C5orf22: variants seen among roughly 807,000 people sequenced by gnomAD.
C5orf22 encodes chromosome 5 open reading frame 22.
A neutral mutation model predicts 48.7 loss-of-function variants in C5orf22; 36 were observed. The observed-to-expected ratio is 0.74, with a 90% CI of 0.57 to 0.98. C5orf22 has a LOEUF of 0.98. Among genes scored for constraint, C5orf22 ranks in the 50% least tolerant of loss-of-function variants. The probability of loss-of-function intolerance (pLI) is 0.00; values close to 1 mark genes in which losing one functional copy is unlikely to be tolerated. For synonymous variants in C5orf22, 141 were observed against 180.8 expected (o/e 0.78, Z 1.76); for missense variants, 486 against 521.9 (o/e 0.93, Z 0.67).
At chr5:31,545,003 A>C (rs922303079) in intron 6 of C5orf22, among the ~76,000 whole-genome samples, 23 of 151,110 alleles carry the variant, frequency 1.5e-4, no homozygotes, top group African/African-American at 5.6e-4. Flanking sequence ...AGCTTTCAGG[A>C]AACAGCCTTT....
chr5:31,539,341 A>G (rs559050828), intron 4 of C5orf22, among the ~76,000 whole-genome samples: 2 of 152,326 alleles, frequency 1.3e-5, no homozygotes, highest in Admixed American at 1.3e-4. Context: ...ACGGATACCA[A>G]GGGACAAGTG....
chr5:31,535,742 A>G lies in C5orf22; in HGVS notation c.228-2A>G. 1 of 1,579,216 alleles carries G rather than the reference A, an allele frequency of 6.3e-7. No individual in the cohort carries two copies. The highest frequency in any genetic ancestry group is 2.2e-5 in the East Asian group (1 of 44,454). ...AATGTTGTCTCTATGTTTCTTTTCC[A>G]GAGAATTAAGTATTGAAAATTGGAT... On this transcript the variant is annotated splice_acceptor_variant, in intron 2 of 8. Transcript: ENST00000325366. LOFTEE classifies it high-confidence loss of function.
intron 2 of C5orf22, chr5:31,535,134 A>G (rs1332044480): frequency 7.7e-6 from 3 of 389,718 alleles, no homozygotes; most frequent in East Asian, 1.5e-4. Context: ...CCAAAACTTG[A>G]AAAGTAGTAG....
Position 31,532,524 on chromosome 5 carries a change from G to T in C5orf22, c.81+51G>T, listed in dbSNP as rs1184549549. The T allele has an allele frequency of 8.0e-6, 12 of 1,505,458 alleles. No homozygotes were observed. In the Middle Eastern group the frequency reaches 1.4e-3, roughly 175 times the overall value. The allele number at this position is 1,505,458 out of a possible 1,614,324, so 93.3% of individuals were successfully genotyped here. On this transcript the variant is annotated intron_variant, in intron 1 of 8. Transcript: ENST00000325366. ...GGGCAGAATCAGCGGAAGCCCTGACGCTCAGAGGGCCAAGCAGAGGGCGCA... is the reference window on the plus strand; with the variant it reads ...GGGCAGAATCAGCGGAAGCCCTGACTCTCAGAGGGCCAAGCAGAGGGCGCA...
At chr5:31,536,004 T>A in intron 3 of C5orf22, 111 bp downstream of exon 3, 1 of 1,034,014 alleles carries the variant, frequency 9.7e-7, no homozygotes, top group Non-Finnish European at 1.4e-6. Flanking sequence ...AGATTAAGCC[T>A]CGACTTCTCC....
intron 1 of C5orf22, among the ~76,000 whole-genome samples, chr5:31,532,894 G>A (rs1167831540): frequency 6.6e-6 from 1 of 152,150 alleles, no homozygotes; most frequent in African/African-American, 2.4e-5. Context: ...AATGGGGACA[G>A]TAATCGTAGG....
intron 7 of C5orf22, among the ~76,000 whole-genome samples, chr5:31,549,943 T>C (rs1743141901): frequency 6.6e-6 from 1 of 152,218 alleles, no homozygotes; most frequent in South Asian, 2.1e-4. Context: ...AGGTCTGCTT[T>C]AATCATTACA....
At chr5:31,541,524 C>A in intron 6 of C5orf22, 122 bp downstream of exon 6, 2 of 979,994 alleles carry the variant, frequency 2.0e-6, no homozygotes, top group Non-Finnish European at 1.5e-6. Flanking sequence ...GACACTGAGG[C>A]AGGAGAGGAC....
At chr5:31,541,208 T>A in intron 5 of C5orf22, 73 bp from the exon 6 acceptor site, 1 of 1,520,166 alleles carries the variant, frequency 6.6e-7, no homozygotes, top group Middle Eastern at 1.8e-4. Context: ...GAGCCAAGTT[T>A]TTTTTGTAAT....
chr5:31,534,295 C>T lies in C5orf22; in HGVS notation c.105C>T (p.Ala35=). 1 of 1,613,788 alleles carries T rather than the reference C, an allele frequency of 6.2e-7. No homozygotes were observed. The highest frequency in any genetic ancestry group is 2.2e-5 in the East Asian group (1 of 44,868). The change falls in exon 2 of 9, where the codon GCC becomes GCT. Residue 35 remains alanine, a synonymous_variant. Transcript: ENST00000325366. The part of the protein sequence containing the change: ...HQEVLPFIYR[A]IGSKHLPASN... The stretch of plus-strand genomic sequence containing the variant: ...AGGTTCTACCCTTTATATACCGGGC[C>T]ATAGGCTCAAAGCATCTTCCTGCCA...
At chr5:31,542,609 T>C (rs994883240) in intron 6 of C5orf22, among the ~76,000 whole-genome samples, 3 of 152,218 alleles carry the variant, frequency 2.0e-5, no homozygotes, top group African/African-American at 7.2e-5. Context: ...GCTGTTCATA[T>C]CACCTTGAAA....
In C5orf22 at chr5:31,553,754, G is replaced by T. The variant is rs1743436939; in HGVS notation, c.*852G>T. 6.6e-6 allele frequency: 1 copy of T among 152,158 alleles called. No homozygotes were observed. The allele number at this position is 152,158 out of a possible 1,614,324, so 9.4% of individuals were successfully genotyped here. ...CTCCAGCATTGTTGGTATCAAGGTGGTCTGGTTGAGTAAACTTGACCAAAC... is the reference window on the plus strand; with the variant it reads ...CTCCAGCATTGTTGGTATCAAGGTGTTCTGGTTGAGTAAACTTGACCAAAC... On this transcript the variant is annotated 3_prime_UTR_variant, in exon 9 of 9. Coordinates refer to ENST00000325366, the MANE Select transcript of C5orf22 (RefSeq NM_018356.3).
At chr5:31,547,960 G>A (rs1180780132) in intron 7 of C5orf22, among the ~76,000 whole-genome samples, 1 of 152,096 alleles carries the variant, frequency 6.6e-6, no homozygotes, top group Admixed American at 6.6e-5. Context: ...CTTTAACATT[G>A]TCAGGCTGCA....
intron 4 of C5orf22, among the ~76,000 whole-genome samples, chr5:31,539,783 G>T (rs902939350): frequency 6.6e-6 from 1 of 151,488 alleles, no homozygotes. Flanking sequence ...TGGCTCATGC[G>T]TATAATCCCA....
Position 31,553,068 on chromosome 5 carries a change from G to T in C5orf22, c.*166G>T. ...ACAACCATTGTCAGTTGTGAATGAT[G>T]GTAAATTTTTTGGCATCAAGTCTCA... On this transcript the variant is annotated 3_prime_UTR_variant, in exon 9 of 9. Transcript: ENST00000325366. 1.6e-6 allele frequency: 1 copy of T among 610,636 alleles called. No individual in the cohort carries two copies. The highest frequency in any genetic ancestry group is 2.5e-6 in the Non-Finnish European group (1 of 392,300). The allele number at this position is 610,636 out of a possible 1,614,324, so 37.8% of individuals were successfully genotyped here.
intron 3 of C5orf22, among the ~76,000 whole-genome samples, chr5:31,537,877 T>C (rs1490402777): frequency 6.6e-6 from 1 of 152,208 alleles, no homozygotes; most frequent in Non-Finnish European, 1.5e-5. Context: ...TTCTACCTTT[T>C]TGCACCACCG....
intron 8 of C5orf22, among the ~76,000 whole-genome samples, chr5:31,551,669 G>T (rs957733367): frequency 6.6e-6 from 1 of 152,118 alleles, no homozygotes; most frequent in Admixed American, 6.6e-5. Flanking sequence ...TCTACACTTC[G>T]GGCTTTGAAG....
rs1344322278 is a variant in C5orf22 at position 31,554,562 on chromosome 5, G to A, written c.*1660G>A. On this transcript the variant is annotated 3_prime_UTR_variant, in exon 9 of 9. Transcript: ENST00000325366. Reference sequence around the variant, plus strand: ...TTGGTAAAATCAGAATTGTAGAATTGTGCTATTTTTAATTTTTAAAATTTT... The same window carrying A: ...TTGGTAAAATCAGAATTGTAGAATTATGCTATTTTTAATTTTTAAAATTTT... The A allele has an allele frequency of 6.6e-6, 1 of 152,162 alleles. No individual in the cohort carries two copies. The highest frequency in any genetic ancestry group is 6.5e-5 in the Admixed American group (1 of 15,274). The allele number at this position is 152,162 out of a possible 1,614,324, so 9.4% of individuals were successfully genotyped here.
chr5:31,547,371 A>G (rs1175512484), intron 7 of C5orf22, among the ~76,000 whole-genome samples: 1 of 152,236 alleles, frequency 6.6e-6, no homozygotes, highest in Non-Finnish European at 1.5e-5. Context: ...TGGATCTACC[A>G]TTCTGGGATC....
Sources: gnomAD v4.1 joint callset for allele counts (sites outside exome capture counted in the v4.1 genomes callset) on GRCh38, gnomAD v4.1.1 for gene constraint, MANE v1.5 for transcripts, NCBI Gene and HGNC (gene_info 2026-07-23, HGNC 2026-07-21) for gene names.